Variants in CAST observed in about 807,000 individuals in gnomAD.
The protein encoded by CAST is MIR583 host.
CAST carries 76 observed loss-of-function variants against 119.6 expected under a neutral mutation model. The observed-to-expected ratio is 0.64, with a 90% CI of 0.53 to 0.77. The LOEUF (loss-of-function observed/expected upper bound fraction) is 0.77, where lower values mean the gene tolerates loss of function less well. Ranked by LOEUF, CAST falls within the 30% of genes least tolerant of loss-of-function variation. The pLI is 0.00. For missense variants in CAST, 953 were observed against 946.5 expected (o/e 1.01, Z -0.09); for synonymous variants, 319 against 331.6 (o/e 0.96, Z 0.41).
At chr5:96,048,620 C>T in the CAST span, among the ~76,000 whole-genome samples, 1 of 152,034 alleles carries the variant, frequency 6.6e-6, no homozygotes, top group African/African-American at 2.4e-5. Context: ...GTAGACTGAA[C>T]TCACCATAAA....
intron 3 of CAST, among the ~76,000 whole-genome samples, chr5:96,717,491 T>C (rs1289270708): frequency 1.3e-5 from 2 of 152,236 alleles, no homozygotes; most frequent in African/African-American, 4.8e-5. Context: ...AAGCAGTTAT[T>C]GGTTCACATG....
intron 1 of CAST, among the ~76,000 whole-genome samples, chr5:96,613,325 CTTTCA>C (rs1441902668): frequency 6.6e-6 from 1 of 152,118 alleles, no homozygotes; most frequent in Non-Finnish European, 1.5e-5. Flanking sequence ...TTCATCTCTC[CTTTCA>C]TTTAAGTATT....
chr5:96,745,422 C>G lies in CAST; in HGVS notation c.1201-920C>G, dbSNP rs931644775. On this transcript the variant is annotated intron_variant, in intron 16 of 31. Coordinates refer to ENST00000675179, the MANE Select transcript of CAST (RefSeq NM_001750.7). Reference sequence around the variant, plus strand: ...TTTTTATATTTCCTGTAAAACATGACCAGCTGACTTTCTCTATTATTGTGC... The same window carrying G: ...TTTTTATATTTCCTGTAAAACATGAGCAGCTGACTTTCTCTATTATTGTGC... Among the ~76,000 whole-genome samples, 4 of 152,208 alleles carry G rather than the reference C, an allele frequency of 2.6e-5. No homozygotes were observed. In the South Asian group the frequency reaches 8.3e-4, roughly 32 times the overall value.
At chr5:96,416,597 G>C in the CAST span, among the ~76,000 whole-genome samples, 21 of 152,114 alleles carry the variant, frequency 1.4e-4, no homozygotes, top group Admixed American at 6.5e-5. Flanking sequence ...TCCTTGATCA[G>C]CCTTAGTAGG....
the CAST span, among the ~76,000 whole-genome samples, chr5:96,046,944 G>T: frequency 6.6e-6 from 1 of 152,122 alleles, no homozygotes; most frequent in Non-Finnish European, 1.5e-5. Context: ...CAGCCCCCAT[G>T]ATTCAATTAC....
At chr5:96,697,216 G>A (rs922791085) in intron 3 of CAST, among the ~76,000 whole-genome samples, 19 of 152,068 alleles carry the variant, frequency 1.2e-4, no homozygotes, top group Admixed American at 1.2e-3. Context: ...CAACTTTGTG[G>A]TCTTTTAGTA....
the CAST span, among the ~76,000 whole-genome samples, chr5:96,334,189 G>T: frequency 6.6e-6 from 1 of 152,188 alleles, no homozygotes; most frequent in Non-Finnish European, 1.5e-5. Context: ...CCAGAGTGTG[G>T]CAAGGGTCAG....
chr5:95,996,834 AAC>A, the CAST span, among the ~76,000 whole-genome samples: 2 of 152,190 alleles, frequency 1.3e-5, no homozygotes, highest in African/African-American at 4.8e-5. Context: ...CACTTTTATA[AAC>A]ACAGGATTAT....
the CAST span, among the ~76,000 whole-genome samples, chr5:96,451,968 G>A: frequency 6.6e-6 from 1 of 152,156 alleles, no homozygotes; most frequent in African/African-American, 2.4e-5. Flanking sequence ...TTAGAATGGC[G>A]ATCATTAAAA....
the CAST span, among the ~76,000 whole-genome samples, chr5:96,160,090 A>C: frequency 2.0e-5 from 3 of 152,094 alleles, no homozygotes; most frequent in Admixed American, 2.0e-4. Flanking sequence ...CAGTGAGCCA[A>C]GATTGCACCA....
At chr5:96,183,002 G>A in the CAST span, among the ~76,000 whole-genome samples, 2 of 151,972 alleles carry the variant, frequency 1.3e-5, no homozygotes, top group African/African-American at 4.8e-5. Flanking sequence ...AGCCGGGCGT[G>A]GTGGCAGGCG....
the CAST span, among the ~76,000 whole-genome samples, chr5:96,238,585 A>C: frequency 2.0e-5 from 3 of 147,858 alleles, no homozygotes; most frequent in Admixed American, 6.8e-5. Flanking sequence ...TTTTTAGTAG[A>C]GATGGTGTTT....
the CAST span, among the ~76,000 whole-genome samples, chr5:96,271,057 T>C: frequency 2.0e-5 from 3 of 151,830 alleles, no homozygotes; most frequent in Non-Finnish European, 4.4e-5. Context: ...TATAAAATGA[T>C]CCAGAAGCAG....
intron 22 of CAST, 85 bp from the exon 23 acceptor site, chr5:96,757,359 T>C (rs1057405509): frequency 8.3e-7 from 1 of 1,203,264 alleles, no homozygotes; most frequent in Admixed American, 1.7e-5. Flanking sequence ...GTATAACCTG[T>C]AGACCCTTTG....
the CAST span, chr5:96,392,058 G>A: frequency 6.6e-6 from 1 of 152,024 alleles, no homozygotes; most frequent in Non-Finnish European, 1.5e-5. Context: ...ACTTCTCTTG[G>A]TTTCTCCCTA....
At chr5:96,179,558 G>C in the CAST span, among the ~76,000 whole-genome samples, 1 of 152,200 alleles carries the variant, frequency 6.6e-6, no homozygotes, top group Non-Finnish European at 1.5e-5. Context: ...ATAGTGCCTG[G>C]CACATTGTAG....
At chr5:96,045,582 T>C in the CAST span, among the ~76,000 whole-genome samples, 71 of 152,256 alleles carry the variant, frequency 4.7e-4, no homozygotes, top group East Asian at 0.013. Context: ...GGAGCTTATT[T>C]CTAATAATAA....
chr5:96,771,178 A>T (rs1471904418), intron 30 of CAST, among the ~76,000 whole-genome samples: 1 of 152,202 alleles, frequency 6.6e-6, no homozygotes, highest in African/African-American at 2.4e-5. Context: ...ATTGGCAGTT[A>T]TGCCATTATA....
At chr5:95,981,038 G>C in the CAST span, among the ~76,000 whole-genome samples, 7 of 152,268 alleles carry the variant, frequency 4.6e-5, no homozygotes, top group African/African-American at 1.7e-4. Context: ...AAAATTGTTG[G>C]TGAGGACAGG....
Sources: gnomAD v4.1 joint callset for allele counts (sites outside exome capture counted in the v4.1 genomes callset) on GRCh38, gnomAD v4.1.1 for gene constraint, MANE v1.5 for transcripts, NCBI Gene and HGNC (gene_info 2026-07-23, HGNC 2026-07-21) for gene names.